The following FOCAD variants were observed in gnomAD, a reference collection of about 807,000 sequenced individuals.
FOCAD encodes the protein focadhesin.
In FOCAD, 198 loss-of-function variants were observed where a neutral mutation model predicts 225.6. That is an observed-to-expected ratio of 0.88 (90% confidence interval 0.78 to 0.99). The LOEUF is 0.99. Ranked by LOEUF, FOCAD falls within the 50% of genes least tolerant of loss-of-function variation. FOCAD has a pLI of 0.00. For missense variants in FOCAD, 2,713 were observed against 2,123.6 expected (o/e 1.28, Z -5.46); for synonymous variants, 897 against 755.0 (o/e 1.19, Z -3.08).
intron 15 of FOCAD, among the ~76,000 whole-genome samples, chr9:20,829,828 CTAA>C (rs1398237395): frequency 3.3e-5 from 5 of 152,134 alleles, no homozygotes; most frequent in South Asian, 2.1e-4. Context: ...TGGAAAACTG[CTAA>C]TGTTTTAATA....
chr9:20,694,166 A>G (rs886668030), intron 1 of FOCAD, among the ~76,000 whole-genome samples: 3 of 152,190 alleles, frequency 2.0e-5, no homozygotes, highest in African/African-American at 4.8e-5. Context: ...GTTGTAAATC[A>G]TAACATTTTT....
At chr9:20,966,105 A>G (rs1466273782) in intron 35 of FOCAD, among the ~76,000 whole-genome samples, 1 of 152,118 alleles carries the variant, frequency 6.6e-6, no homozygotes, top group Non-Finnish European at 1.5e-5. Flanking sequence ...TTGAGGAACT[A>G]CCAAACTGTT....
intron 4 of FOCAD, among the ~76,000 whole-genome samples, chr9:20,731,131 G>A (rs561352400): frequency 2.0e-5 from 3 of 152,052 alleles, no homozygotes; most frequent in South Asian, 2.1e-4. Flanking sequence ...CCTCCTACTC[G>A]GGAGGCTGAG....
chr9:20,656,635 G>T (rs369397131), upstream of FOCAD, among the ~76,000 whole-genome samples: 72 of 151,962 alleles, frequency 4.7e-4, no homozygotes, highest in African/African-American at 8.9e-4. Flanking sequence ...GCTTGGTAGA[G>T]CTTCCTCCAT....
intron 22 of FOCAD, among the ~76,000 whole-genome samples, chr9:20,907,919 C>T (rs1271982350): frequency 5.3e-5 from 8 of 152,116 alleles, no homozygotes; most frequent in Admixed American, 1.3e-4. Context: ...AGTTATTTGG[C>T]GAGGACTTCC....
At chr9:20,740,106 G>T in intron 4 of FOCAD, 130 bp from the exon 5 acceptor site, 1 of 581,480 alleles carries the variant, frequency 1.7e-6, no homozygotes, top group Non-Finnish European at 3.1e-6. Context: ...AATGAGTTGA[G>T]GGCCTGTGGG....
chr9:20,863,735 G>A (rs887424246), intron 16 of FOCAD, among the ~76,000 whole-genome samples: 5 of 152,046 alleles, frequency 3.3e-5, no homozygotes, highest in African/African-American at 1.2e-4. Context: ...AGAGTCCACA[G>A]GGCTACTGAT....
At chr9:20,723,611 G>A (rs1398698876) in intron 4 of FOCAD, among the ~76,000 whole-genome samples, 1 of 152,218 alleles carries the variant, frequency 6.6e-6, no homozygotes, top group Admixed American at 6.5e-5. Flanking sequence ...AAGACAAACT[G>A]TTAGTAGGTC....
At chr9:20,915,908 A>T (rs1253741929) in intron 23 of FOCAD, among the ~76,000 whole-genome samples, 1 of 152,158 alleles carries the variant, frequency 6.6e-6, no homozygotes, top group Non-Finnish European at 1.5e-5. Flanking sequence ...ATTACATTGA[A>T]TGGACTATAT....
intron 19 of FOCAD, among the ~76,000 whole-genome samples, chr9:20,876,106 C>T (rs1830200961): frequency 6.6e-6 from 1 of 152,116 alleles, no homozygotes; most frequent in African/African-American, 2.4e-5. Context: ...AGTTCCCTGC[C>T]TCCTTTTATT....
At chr9:20,946,311 A>G (rs1013470654) in intron 29 of FOCAD, among the ~76,000 whole-genome samples, 4 of 152,148 alleles carry the variant, frequency 2.6e-5, no homozygotes, top group Non-Finnish European at 5.9e-5. Flanking sequence ...ATGGGAATGC[A>G]TGGCAATTAA....
intron 4 of FOCAD, among the ~76,000 whole-genome samples, chr9:20,726,036 G>A (rs968053588): frequency 6.6e-6 from 1 of 152,148 alleles, no homozygotes; most frequent in Non-Finnish European, 1.5e-5. Flanking sequence ...AAGAAACACA[G>A]TAAGGAAATC....
intron 15 of FOCAD, among the ~76,000 whole-genome samples, chr9:20,834,469 AAAC>A (rs1564050540): frequency 1.3e-5 from 2 of 152,092 alleles, no homozygotes; most frequent in African/African-American, 2.4e-5. Flanking sequence ...AAAGAAAAGA[AAAC>A]AACTCGAATA....
At chr9:20,965,850 G>C (rs936077118) in intron 35 of FOCAD, among the ~76,000 whole-genome samples, 4 of 152,120 alleles carry the variant, frequency 2.6e-5, no homozygotes, top group African/African-American at 9.7e-5. Flanking sequence ...TCGCATTGTA[G>C]CAAGTATCAG....
Position 20,944,698 on chromosome 9 carries a change from T to G in FOCAD, c.3479T>G (p.Val1160Gly), listed in dbSNP as rs1837009491. Residue 1160 changes from valine to glycine, a missense_variant, in exon 29 of 44, where the codon GTT becomes GGT. Physicochemically the swap from Val to Gly is moderately radical, Grantham distance 109. Transcript: ENST00000338382. ...CACAGCAGCCAAATGCAGTCCCGCG[T>G]TCACGTAGCAGCATTGCTCCGGAAG... ...MSHSSQMQSR[V>G]HVAALLRKLS... 1.2e-6 allele frequency: 2 copies of G among 1,613,974 alleles called. No homozygotes were observed. Among genetic ancestry groups the G allele is most frequent in the Non-Finnish European group, 1.7e-6 (2 of 1,179,976 alleles).
At chr9:20,736,528 A>C (rs1827165107) in intron 4 of FOCAD, among the ~76,000 whole-genome samples, 1 of 152,204 alleles carries the variant, frequency 6.6e-6, no homozygotes, top group Non-Finnish European at 1.5e-5. Context: ...AAGAGATGGA[A>C]AATACTAGAG....
intron 1 of FOCAD, chr9:20,658,484 GC>G (rs1319974276): frequency 3.8e-5 from 6 of 156,018 alleles, no homozygotes; most frequent in Admixed American, 3.3e-4. Flanking sequence ...CTCGTGGTGC[GC>G]CGTTTTTTAA....
rs143079284 is a variant in FOCAD at position 20,952,092 on chromosome 9, C to T, written c.4052-893C>T. On this transcript the variant is annotated intron_variant, in intron 34 of 43. Coordinates refer to ENST00000338382, the MANE Select transcript of FOCAD (RefSeq NM_001375567.1). ...AAAAAAGAAGAAAACTTAGTCATAC[C>T]GGAAGCCCTGGGTAATACTAGTTTT... Among the ~76,000 whole-genome samples the T allele has an allele frequency of 6.8e-4, 104 of 152,238 alleles. 1 individual carries two copies. The highest frequency in any genetic ancestry group is 2.4e-3 in the African/African-American group (99 of 41,546).
intron 2 of FOCAD, among the ~76,000 whole-genome samples, chr9:20,666,828 G>A (rs1488074075): frequency 6.6e-6 from 1 of 152,098 alleles, no homozygotes; most frequent in African/African-American, 2.4e-5. Flanking sequence ...AGTGGGAAAA[G>A]CACATCAATT....
Sources: allele counts gnomAD v4.1 joint callset (sites outside exome capture counted in the v4.1 genomes callset), GRCh38; gene constraint gnomAD v4.1.1; transcripts MANE v1.5; gene names NCBI Gene and HGNC (gene_info 2026-07-23, HGNC 2026-07-21).